The following B3GALT1 variants were observed in gnomAD, a reference collection of about 807,000 sequenced individuals.
B3GALT1 encodes UDP-Gal:betaGlcNAc beta 1,3-galactosyltransferase, polypeptide 1.
A neutral mutation model predicts 23.2 loss-of-function variants in B3GALT1; 10 were observed. That is an observed-to-expected ratio of 0.43 (90% CI 0.27 to 0.73). B3GALT1 has a LOEUF of 0.73. Ranked by LOEUF, B3GALT1 falls within the 30% of genes least tolerant of loss-of-function variation. B3GALT1 has a pLI of 0.21. For synonymous variants in B3GALT1, 156 were observed against 141.5 expected, an observed-to-expected ratio of 1.10 and a Z score of -0.73; for missense variants, 299 against 405.4, an observed-to-expected ratio of 0.74 and a Z score of 2.25.
chr2:167,680,578 TC>T (rs1275768927), intron 3 of B3GALT1, among the ~76,000 whole-genome samples: 1 of 97,708 alleles, frequency 1.0e-5, no homozygotes, highest in African/African-American at 3.2e-5. Flanking sequence ...TTTTAAGTAG[TC>T]AAACTGTTTT....
chr2:167,795,959 G>T (rs1476865808), intron 3 of B3GALT1, among the ~76,000 whole-genome samples: 1 of 152,202 alleles, frequency 6.6e-6, no homozygotes, highest in Non-Finnish European at 1.5e-5. Flanking sequence ...TCCTGGAACT[G>T]CCTTCACTAA....
At chr2:167,650,172 C>A (rs1225535853) in intron 3 of B3GALT1, among the ~76,000 whole-genome samples, 2 of 151,056 alleles carry the variant, frequency 1.3e-5, no homozygotes, top group Admixed American at 1.3e-4. Context: ...ATTAAGAAGA[C>A]CATTTTTTTT....
chr2:167,306,742 TTC>T (rs1225191976), intron 1 of B3GALT1, among the ~76,000 whole-genome samples: 1 of 152,044 alleles, frequency 6.6e-6, no homozygotes. Flanking sequence ...TCTCATGATA[TTC>T]TTTTTCTTTT....
At chr2:167,529,475 T>G (rs1460128363) in intron 2 of B3GALT1, among the ~76,000 whole-genome samples, 2 of 151,630 alleles carry the variant, frequency 1.3e-5, no homozygotes, top group Non-Finnish European at 2.9e-5. Flanking sequence ...AGGATGAATC[T>G]AAGAGTTTTG....
At chr2:167,548,710 G>GTGTGTGTA (rs1306665206) in intron 2 of B3GALT1, among the ~76,000 whole-genome samples, 2 of 151,700 alleles carry the variant, frequency 1.3e-5, no homozygotes, top group Non-Finnish European at 2.9e-5. Flanking sequence ...GTGTGTGTGT[G>GTGTGTGTA]TGTGTGTATG....
At chr2:167,588,065 T>G (rs903527099) in intron 2 of B3GALT1, among the ~76,000 whole-genome samples, 5 of 152,184 alleles carry the variant, frequency 3.3e-5, no homozygotes, top group African/African-American at 1.2e-4. Context: ...CTGATCCTGA[T>G]GAAATCATTG....
intron 3 of B3GALT1, among the ~76,000 whole-genome samples, chr2:167,721,689 A>G (rs1174185468): frequency 6.6e-6 from 1 of 152,200 alleles, no homozygotes; most frequent in Admixed American, 6.5e-5. Flanking sequence ...CAACTCAGAA[A>G]AGAAGAAGAA....
rs16853558 is a variant in B3GALT1 at position 167,389,410 on chromosome 2, A to G, written c.-511+96076A>G. Among the ~76,000 whole-genome samples, 314 of 152,278 alleles carry G rather than the reference A, an allele frequency of 2.1e-3. 8 individuals carry two copies. In the East Asian group the frequency reaches 0.047, roughly 23 times the overall value. On this transcript the variant is annotated intron_variant, in intron 1 of 4. Coordinates refer to ENST00000392690, the MANE Select transcript of B3GALT1 (RefSeq NM_020981.4). ...GGCTTGGTGCCATTTTGTCATTTCAATGTGGGTATGAGTAACTGCAATGCC... is the reference window on the plus strand; with the variant it reads ...GGCTTGGTGCCATTTTGTCATTTCAGTGTGGGTATGAGTAACTGCAATGCC...
chr2:167,574,763 G>A (rs1365285391), intron 2 of B3GALT1, among the ~76,000 whole-genome samples: 1 of 151,720 alleles, frequency 6.6e-6, no homozygotes, highest in Non-Finnish European at 1.5e-5. Flanking sequence ...TTAATTTGAA[G>A]CAAGATGACA....
chr2:167,752,925 A>T (rs557982520), intron 3 of B3GALT1, among the ~76,000 whole-genome samples: 1 of 152,318 alleles, frequency 6.6e-6, no homozygotes, highest in Admixed American at 6.5e-5. Context: ...TGCAGCACTC[A>T]TTGTGCTTGG....
chr2:167,540,024 G>C (rs1050885464), intron 2 of B3GALT1, among the ~76,000 whole-genome samples: 1 of 152,060 alleles, frequency 6.6e-6, no homozygotes, highest in Non-Finnish European at 1.5e-5. Context: ...CTATTAAAAT[G>C]AATCAATTTA....
chr2:167,463,189 G>A (rs2105326690), intron 1 of B3GALT1, among the ~76,000 whole-genome samples: 1 of 151,976 alleles, frequency 6.6e-6, no homozygotes, highest in South Asian at 2.1e-4. Context: ...GGACTTCATT[G>A]TTCTCTCACT....
chr2:167,793,538 GATT>G (rs1279085476), intron 3 of B3GALT1, among the ~76,000 whole-genome samples: 1 of 139,838 alleles, frequency 7.2e-6, no homozygotes, highest in Non-Finnish European at 1.6e-5. Context: ...CTGGGAAAAT[GATT>G]AGTTCGGATT....
intron 2 of B3GALT1, among the ~76,000 whole-genome samples, chr2:167,607,294 C>T (rs1009846692): frequency 3.3e-5 from 5 of 152,106 alleles, no homozygotes; most frequent in Non-Finnish European, 7.4e-5. Context: ...TTTGCTCAGT[C>T]ATAGTTCAGT....
chr2:167,516,959 T>C (rs1267795784), intron 2 of B3GALT1, among the ~76,000 whole-genome samples: 1 of 95,226 alleles, frequency 1.1e-5, no homozygotes, highest in Non-Finnish European at 1.8e-5. Flanking sequence ...TGTATATATA[T>C]ATATATATAT....
chr2:167,413,096 C>T (rs1698414740), intron 1 of B3GALT1, among the ~76,000 whole-genome samples: 1 of 151,942 alleles, frequency 6.6e-6, no homozygotes, highest in South Asian at 2.1e-4. Flanking sequence ...GTTTGGATGA[C>T]TGGTTACAAT....
intron 3 of B3GALT1, among the ~76,000 whole-genome samples, chr2:167,764,561 C>G (rs1687945301): frequency 6.6e-6 from 1 of 152,002 alleles, no homozygotes; most frequent in African/African-American, 2.4e-5. Context: ...TTATGCATCT[C>G]GAATACACTT....
At chr2:167,775,681 T>TACACACACAC (rs147735818) in intron 3 of B3GALT1, among the ~76,000 whole-genome samples, 12 of 150,264 alleles carry the variant, frequency 8.0e-5, no homozygotes, top group African/African-American at 2.9e-4. Flanking sequence ...TTTGAAAGTA[T>TACACACACAC]ACACACACAC....
At chr2:167,513,674 A>T (rs1465060778) in intron 2 of B3GALT1, among the ~76,000 whole-genome samples, 1 of 151,992 alleles carries the variant, frequency 6.6e-6, no homozygotes, top group Non-Finnish European at 1.5e-5. Flanking sequence ...AAATTAGCAA[A>T]CTCTTACTGA....
Sources: gnomAD v4.1 joint callset for allele counts (sites outside exome capture counted in the v4.1 genomes callset) on GRCh38, gnomAD v4.1.1 for gene constraint, MANE v1.5 for transcripts, NCBI Gene and HGNC (gene_info 2026-07-23, HGNC 2026-07-21) for gene names.